The following GLB1 variants were observed in gnomAD, a reference collection of about 807,000 sequenced individuals.
GLB1 encodes galactosidase beta 1, also known as beta-galactosidase.
GLB1 carries 56 observed loss-of-function variants against 74.0 expected under a neutral mutation model. That is an observed-to-expected ratio of 0.76 (90% CI 0.61 to 0.94). The LOEUF (loss-of-function observed/expected upper bound fraction) is 0.94, where lower values mean the gene tolerates loss of function less well. Among genes scored for constraint, GLB1 ranks in the 40% least tolerant of loss-of-function variants. The pLI is 0.00. For synonymous variants in GLB1, 323 were observed against 323.6 expected, an observed-to-expected ratio of 1.00 and a Z score of 0.02; for missense variants, 787 against 845.5, an observed-to-expected ratio of 0.93 and a Z score of 0.86.
intron 5 of GLB1, among the ~76,000 whole-genome samples, chr3:33,062,451 G>A (rs548273560): frequency 1.0e-3 from 154 of 152,242 alleles, no homozygotes; most frequent in African/African-American, 3.4e-3. Flanking sequence ...TACGGGCATT[G>A]AGCCATCAGC....
chr3:32,973,517 T>C, the GLB1 span, among the ~76,000 whole-genome samples: 1 of 152,018 alleles, frequency 6.6e-6, no homozygotes, highest in Non-Finnish European at 1.5e-5. Flanking sequence ...AATTTTTGTA[T>C]TTTTTAGTAG....
intron 15 of GLB1, among the ~76,000 whole-genome samples, chr3:33,011,921 G>A (rs1386683491): frequency 6.6e-6 from 1 of 152,138 alleles, no homozygotes; most frequent in East Asian, 1.9e-4. Flanking sequence ...TCACTCCACT[G>A]GAACAAGGCT....
the GLB1 span, among the ~76,000 whole-genome samples, chr3:32,978,351 C>A: frequency 4.0e-4 from 61 of 151,684 alleles, no homozygotes; most frequent in African/African-American, 1.3e-3. Flanking sequence ...AATCCATCCT[C>A]ACCCTTTCCC....
At chr3:33,041,577 G>A (rs1358582654) in intron 10 of GLB1, among the ~76,000 whole-genome samples, 4 of 151,052 alleles carry the variant, frequency 2.6e-5, no homozygotes, top group Non-Finnish European at 4.4e-5. Flanking sequence ...CAGGAGAATC[G>A]CTTGAAGCTG....
At chr3:32,981,077 C>A in the GLB1 span, among the ~76,000 whole-genome samples, 99 of 100,486 alleles carry the variant, frequency 9.9e-4, 1 homozygote, top group South Asian at 0.032. Flanking sequence ...GGCAACAAAG[C>A]GAGACTCCGT....
At chr3:32,970,262 A>T in the GLB1 span, among the ~76,000 whole-genome samples, 6 of 152,180 alleles carry the variant, frequency 3.9e-5, no homozygotes, top group Non-Finnish European at 8.8e-5. Flanking sequence ...CTGCTGAAGA[A>T]ATTTTGTCAA....
chr3:32,998,307 A>G (rs181446702), intron 15 of GLB1, among the ~76,000 whole-genome samples: 49 of 152,326 alleles, frequency 3.2e-4, no homozygotes, highest in African/African-American at 1.0e-3. Context: ...CAGGAGTTCG[A>G]GACCAGCCTG....
At chr3:33,077,040 A>G (rs957045323) in intron 1 of GLB1, 21 of 1,285,232 alleles carry the variant, frequency 1.6e-5, no homozygotes, top group Non-Finnish European at 2.0e-5. Flanking sequence ...TCTGGGGAAC[A>G]TGGCGAGACC....
downstream of GLB1, among the ~76,000 whole-genome samples, chr3:32,992,040 C>G (rs758921972): frequency 6.6e-6 from 1 of 152,250 alleles, no homozygotes; most frequent in Non-Finnish European, 1.5e-5. Context: ...AAGTTGCTTA[C>G]GTTTTGAGAA....
chr3:33,009,255 G>A (rs900937166), intron 15 of GLB1, among the ~76,000 whole-genome samples: 2 of 152,168 alleles, frequency 1.3e-5, no homozygotes, highest in Non-Finnish European at 2.9e-5. Context: ...CGGGTGCAGT[G>A]GTTCATGCCT....
At chr3:33,094,935 G>C (rs1267921850) in intron 1 of GLB1, among the ~76,000 whole-genome samples, 1 of 152,154 alleles carries the variant, frequency 6.6e-6, no homozygotes, top group African/African-American at 2.4e-5. Flanking sequence ...CTAGGGCTGG[G>C]CACAGTGGCT....
intron 9 of GLB1, among the ~76,000 whole-genome samples, chr3:33,047,071 C>A (rs1442859836): frequency 3.3e-5 from 5 of 152,220 alleles, no homozygotes; most frequent in African/African-American, 1.2e-4. Context: ...TGTGAAGCTG[C>A]ATCATAGCCC....
At chr3:32,984,154 A>G in the GLB1 span, among the ~76,000 whole-genome samples, 1 of 152,314 alleles carries the variant, frequency 6.6e-6, no homozygotes, top group East Asian at 1.9e-4. Context: ...ACACAAATTT[A>G]GAACATAAAT....
At chr3:33,024,175 T>A (rs1697630716) in intron 11 of GLB1, 76 bp downstream of exon 11, 1 of 1,479,900 alleles carries the variant, frequency 6.8e-7, no homozygotes, top group African/African-American at 1.4e-5. Flanking sequence ...CACAGCACTT[T>A]CACTCACTGC....
At chr3:32,979,539 G>A in the GLB1 span, among the ~76,000 whole-genome samples, 4 of 151,210 alleles carry the variant, frequency 2.6e-5, no homozygotes, top group Non-Finnish European at 5.9e-5. Flanking sequence ...TCATAAGAAA[G>A]GGTAGAATTT....
At chr3:33,028,825 C>T (rs1697887196) in intron 10 of GLB1, among the ~76,000 whole-genome samples, 1 of 152,112 alleles carries the variant, frequency 6.6e-6, no homozygotes, top group African/African-American at 2.4e-5. Context: ...ACCACCACGC[C>T]TGGCTAATTT....
chr3:32,994,543 A>G (rs1696274900), downstream of GLB1, among the ~76,000 whole-genome samples: 1 of 152,206 alleles, frequency 6.6e-6, no homozygotes, highest in African/African-American at 2.4e-5. Flanking sequence ...TGTAGCAGGC[A>G]AAATGTGTGC....
intron 15 of GLB1, among the ~76,000 whole-genome samples, chr3:33,013,033 C>T (rs1419103910): frequency 6.6e-6 from 1 of 152,206 alleles, no homozygotes; most frequent in African/African-American, 2.4e-5. Context: ...GCTTCAATGG[C>T]TCTCAACACA....
intron 15 of GLB1, among the ~76,000 whole-genome samples, chr3:33,011,750 AC>A (rs1394869681): frequency 1.3e-5 from 2 of 152,112 alleles, no homozygotes; most frequent in African/African-American, 4.8e-5. Flanking sequence ...TTAAACACAC[AC>A]CATGTACATC....
Sources: gnomAD v4.1 joint callset for allele counts (sites outside exome capture counted in the v4.1 genomes callset) on GRCh38, gnomAD v4.1.1 for gene constraint, MANE v1.5 for transcripts, NCBI Gene and HGNC (gene_info 2026-07-23, HGNC 2026-07-21) for gene names.